The following XAF1 variants were observed in gnomAD, a reference collection of about 807,000 sequenced individuals.
XAF1 encodes XIAP-associated factor 1.
A neutral mutation model predicts 32.3 loss-of-function variants in XAF1; 32 were observed. The ratio of observed to expected loss-of-function variants is 0.99; its 90% CI spans 0.75 to 1.33. The LOEUF (loss-of-function observed/expected upper bound fraction) is 1.33, where lower values mean the gene tolerates loss of function less well. Ranked by LOEUF, XAF1 falls within the 40% of genes most tolerant of loss-of-function variation. XAF1 has a pLI of 0.00. For missense variants in XAF1, 379 were observed against 366.0 expected (o/e 1.04, Z -0.29); for synonymous variants, 120 against 125.9 (o/e 0.95, Z 0.31).
chr17:6,763,438 CT>C (rs1369172285), intron 5 of XAF1, among the ~76,000 whole-genome samples: 2 of 152,142 alleles, frequency 1.3e-5, no homozygotes, highest in Non-Finnish European at 2.9e-5. Flanking sequence ...AGCGATTCTC[CT>C]GCCTCAGCCT....
chr17:6,760,294 G>A (rs969501293), intron 3 of XAF1, 112 bp from the exon 4 acceptor site: 3 of 1,074,962 alleles, frequency 2.8e-6, no homozygotes, highest in Non-Finnish European at 2.6e-6. Flanking sequence ...GTTGCAGTGA[G>A]CCAAGATCAA....
intron 5 of XAF1, among the ~76,000 whole-genome samples, chr17:6,768,280 C>T (rs927181998): frequency 5.3e-5 from 8 of 151,966 alleles, no homozygotes; most frequent in Admixed American, 2.0e-4. Context: ...TGTGCCACCA[C>T]GTCTGGCTAA....
chr17:6,773,210 C>T lies in XAF1; in HGVS notation c.*41C>T. 6.5e-7 allele frequency: 1 copy of T among 1,548,036 alleles called. No homozygotes were observed. The highest frequency in any genetic ancestry group is 1.2e-5 in the South Asian group (1 of 84,014). Reference sequence around the variant, plus strand: ...GGTACTACAAATTCAAAAGATTTCACTTTTAACACTGGCATTCCTGCCTAC... The same window carrying T: ...GGTACTACAAATTCAAAAGATTTCATTTTTAACACTGGCATTCCTGCCTAC... On this transcript the variant is annotated 3_prime_UTR_variant, in exon 7 of 7. Transcript: ENST00000361842.
Position 6,762,573 on chromosome 17 carries a change from A to G in XAF1, c.507+333A>G, listed in dbSNP as rs192136473. On this transcript the variant is annotated intron_variant, in intron 5 of 6. Coordinates refer to ENST00000361842, the MANE Select transcript of XAF1 (RefSeq NM_017523.5). The stretch of plus-strand genomic sequence containing the variant: ...GGCCTGTCTTACTGTTTTCGGTCCC[A>G]TGTGGGAGTCTTCTCTATTAGACTG... Among the ~76,000 whole-genome samples the G allele has an allele frequency of 9.7e-4, 147 of 152,300 alleles. 2 individuals carry two copies. Among genetic ancestry groups the G allele is most frequent in the Middle Eastern group, 3.4e-3 (1 of 294 alleles).
intron 4 of XAF1, chr17:6,761,917 C>T (rs1334722745): frequency 1.3e-6 from 2 of 1,500,148 alleles, no homozygotes; most frequent in South Asian, 1.2e-5. Context: ...AATGTCTCTC[C>T]ATTACGGTTG....
chr17:6,760,620 G>C lies in XAF1; in HGVS notation c.421+19G>C. ...GGGAAAGGTAAGCACACAAACTGGG[G>C]TGGAAGAGAGACGTTCCAAGGGCCA... On this transcript the variant is annotated intron_variant, in intron 4 of 6. Transcript: ENST00000361842. 1 of 1,596,312 alleles carries C rather than the reference G, an allele frequency of 6.3e-7. No homozygotes were observed. The highest frequency in any genetic ancestry group is 8.6e-7 in the Non-Finnish European group (1 of 1,168,638).
intron 5 of XAF1, among the ~76,000 whole-genome samples, chr17:6,763,584 G>A (rs938874709): frequency 1.3e-5 from 2 of 151,940 alleles, no homozygotes; most frequent in Non-Finnish European, 1.5e-5. Flanking sequence ...CGCCTTCCTC[G>A]GCCTCCCAAA....
chr17:6,757,751 A>G (rs1974804323), intron 1 of XAF1, among the ~76,000 whole-genome samples: 2 of 140,816 alleles, frequency 1.4e-5, no homozygotes, highest in South Asian at 2.4e-4. Flanking sequence ...CCTAAGTTAT[A>G]TACATCCATG....
intron 6 of XAF1, among the ~76,000 whole-genome samples, chr17:6,772,242 A>G (rs979034846): frequency 2.0e-5 from 3 of 152,290 alleles, no homozygotes; most frequent in African/African-American, 7.2e-5. Flanking sequence ...GCAAATAAAA[A>G]TACAGGACAT....
chr17:6,765,444 A>T (rs1023919331), intron 5 of XAF1, among the ~76,000 whole-genome samples: 20 of 152,270 alleles, frequency 1.3e-4, no homozygotes, highest in Admixed American at 3.9e-4. Context: ...AAATTTAAAA[A>T]TTTTTTAAAA....
At chr17:6,771,637 AG>A (rs1461372420) in intron 6 of XAF1, 2 of 152,216 alleles carry the variant, frequency 1.3e-5, no homozygotes, top group African/African-American at 4.8e-5. Flanking sequence ...TAGCTTTCCA[AG>A]GAGTATACAA....
At chr17:6,772,465 C>CTTTTTTTTTTT (rs71383425) in intron 6 of XAF1, among the ~76,000 whole-genome samples, 1 of 94,188 alleles carries the variant, frequency 1.1e-5, no homozygotes, top group Non-Finnish European at 2.0e-5. Context: ...AAGCTGCCAT[C>CTTTTTTTTTTT]TTTTTTTTTT....
At chr17:6,767,086 G>A (rs1975676014) in intron 5 of XAF1, among the ~76,000 whole-genome samples, 1 of 152,080 alleles carries the variant, frequency 6.6e-6, no homozygotes, top group Non-Finnish European at 1.5e-5. Flanking sequence ...ATCTTAATCT[G>A]TTTATTAAAA....
intron 1 of XAF1, 111 bp downstream of exon 1, chr17:6,756,221 A>G: frequency 6.8e-7 from 1 of 1,472,050 alleles, no homozygotes. Flanking sequence ...AAGAACACTT[A>G]GGAGGACAAG....
chr17:6,764,562 G>A (rs1175190009), intron 5 of XAF1, among the ~76,000 whole-genome samples: 1 of 152,090 alleles, frequency 6.6e-6, no homozygotes, highest in South Asian at 2.1e-4. Context: ...GGCCTTGCAC[G>A]AAAAGAATTT....
At position 6,764,938 on chromosome 17, in the gene XAF1, C is replaced by T. The variant is rs114599188; in HGVS notation, c.507+2698C>T. ...TTACTGCTCATCACTCCCTCTTCCT[C>T]AGTGGACTTTCTCGGCTTCCAGGGT... On this transcript the variant is annotated intron_variant, in intron 5 of 6. Transcript: ENST00000361842. Among the ~76,000 whole-genome samples, 316 of 152,344 alleles carry T rather than the reference C, an allele frequency of 2.1e-3. 5 individuals are homozygous for T. The highest frequency in any genetic ancestry group is 7.2e-3 in the African/African-American group (298 of 41,580).
At position 6,758,200 on chromosome 17, in the gene XAF1, G is replaced by C; in HGVS notation, c.144G>C (p.Glu48Asp). 6.2e-7 allele frequency: 1 copy of C among 1,614,246 alleles called. No homozygotes were observed. The highest frequency in any genetic ancestry group is 8.5e-7 in the Non-Finnish European group (1 of 1,180,050). ...EEPVPKETMEEHCKLEHQQVG... is the reference protein window; with the variant it reads ...EEPVPKETMEDHCKLEHQQVG... The stretch of plus-strand genomic sequence containing the variant: ...CTGTCCCCAAGGAAACCATGGAGGA[G>C]CACTGCAAGCTTGAGCACCAGCAGG... Residue 48 changes from glutamate (E) to aspartate (D), a missense_variant, in exon 2 of 7, where the codon GAG becomes GAC. By Grantham distance (45) the Glu-to-Asp change is conservative. Coordinates refer to ENST00000361842, the MANE Select transcript of XAF1 (RefSeq NM_017523.5).
upstream of XAF1, chr17:6,755,784 A>G (rs3785790): frequency 0.072 from 87,819 of 1,211,306 alleles, 4,166 homozygotes; most frequent in African/African-American, 0.19. Flanking sequence ...GTGAGGGAAC[A>G]AGCTGCTGTG....
At chr17:6,759,051 A>G in intron 2 of XAF1, 1 of 723,032 alleles carries the variant, frequency 1.4e-6, no homozygotes, top group Non-Finnish European at 1.8e-6. Context: ...TCCTCCCTGC[A>G]GGAGAGATGG....
Sources: allele counts gnomAD v4.1 joint callset (sites outside exome capture counted in the v4.1 genomes callset), GRCh38; gene constraint gnomAD v4.1.1; transcripts MANE v1.5; gene names NCBI Gene and HGNC (gene_info 2026-07-23, HGNC 2026-07-21).